The following DLGAP2 variants were observed in gnomAD, a reference collection of about 807,000 sequenced individuals.
DLGAP2 encodes the protein DLG associated protein 2, also known as disks large-associated protein 2.
In DLGAP2, 26 loss-of-function variants were observed where a neutral mutation model predicts 100.3. The ratio of observed to expected loss-of-function variants is 0.26; its 90% confidence interval spans 0.19 to 0.36. The LOEUF (loss-of-function observed/expected upper bound fraction) is 0.36, where lower values mean the gene tolerates loss of function less well. Among genes scored for constraint, DLGAP2 ranks in the 10% least tolerant of loss-of-function variants. DLGAP2 has a pLI of 1.00. For synonymous variants in DLGAP2, 886 were observed against 630.1 expected (o/e 1.41, Z -6.08); for missense variants, 1,858 against 1,453.2 (o/e 1.28, Z -4.53).
rs1554439026 is a variant in DLGAP2 at position 881,668 on chromosome 8, C to CACAT, written c.19-26241_19-26240insTACA. ...GCGCACGCCACCACTTGTGGCTGAA[C>CACAT]ACACACACACACACTTTTTTTTTTT... On this transcript the variant is annotated intron_variant, in intron 1 of 14. Coordinates refer to ENST00000637795, the MANE Select transcript of DLGAP2 (RefSeq NM_001346810.2). Among the ~76,000 whole-genome samples the CACAT allele has an allele frequency of 9.3e-4, 113 of 121,034 alleles. 2 individuals carry two copies. The highest frequency in any genetic ancestry group is 3.2e-3 in the African/African-American group (109 of 33,762). 79.4% of individuals were successfully genotyped at this position (121,034 alleles called of 152,430 possible).
At chr8:1,336,453 C>T (rs1801275766) in intron 3 of DLGAP2, among the ~76,000 whole-genome samples, 1 of 152,182 alleles carries the variant, frequency 6.6e-6, no homozygotes, top group Non-Finnish European at 1.5e-5. Context: ...TGGGCTCTTT[C>T]CCTCGTCTTT....
At chr8:818,050 C>T (rs573000609) in intron 1 of DLGAP2, among the ~76,000 whole-genome samples, 1 of 152,182 alleles carries the variant, frequency 6.6e-6, no homozygotes, top group Non-Finnish European at 1.5e-5. Flanking sequence ...GTGGGCAGGG[C>T]CATAGAGCTC....
At chr8:1,543,589 A>G (rs1336752042) in intron 4 of DLGAP2, among the ~76,000 whole-genome samples, 1 of 151,474 alleles carries the variant, frequency 6.6e-6, no homozygotes, top group African/African-American at 2.4e-5. Flanking sequence ...TCACTTTGTG[A>G]CTCTTGGGAT....
intron 2 of DLGAP2, among the ~76,000 whole-genome samples, chr8:997,855 C>G (rs916324542): frequency 8.9e-5 from 13 of 146,052 alleles, no homozygotes; most frequent in African/African-American, 2.7e-4. Flanking sequence ...CATACATACA[C>G]ACATACACAC....
chr8:1,487,453 G>T (rs1799260024), intron 3 of DLGAP2, among the ~76,000 whole-genome samples: 1 of 152,186 alleles, frequency 6.6e-6, no homozygotes, highest in South Asian at 2.1e-4. Flanking sequence ...AAATATTCTG[G>T]TATATAGATT....
chr8:1,579,501 A>C (rs1376956952), intron 6 of DLGAP2, among the ~76,000 whole-genome samples: 1 of 152,182 alleles, frequency 6.6e-6, no homozygotes, highest in Non-Finnish European at 1.5e-5. Context: ...AATATCGCCA[A>C]AGTAAAATCA....
intron 3 of DLGAP2, among the ~76,000 whole-genome samples, chr8:1,307,580 T>G (rs566984075): frequency 3.5e-4 from 54 of 152,232 alleles, no homozygotes; most frequent in African/African-American, 1.2e-3. Flanking sequence ...TCAAGCAGTA[T>G]TAGTTACAGT....
At chr8:1,408,956 C>T (rs1288861722) in intron 3 of DLGAP2, among the ~76,000 whole-genome samples, 5 of 152,340 alleles carry the variant, frequency 3.3e-5, no homozygotes, top group African/African-American at 9.6e-5. Flanking sequence ...GACATTTAAT[C>T]GATGTCTGTT....
chr8:1,173,169 A>G (rs891978888), intron 2 of DLGAP2, among the ~76,000 whole-genome samples: 2 of 152,196 alleles, frequency 1.3e-5, no homozygotes, highest in Non-Finnish European at 2.9e-5. Flanking sequence ...TTGCCTGGGT[A>G]TCGGCAGCGG....
intron 6 of DLGAP2, among the ~76,000 whole-genome samples, chr8:1,583,739 C>T (rs1177003604): frequency 6.6e-6 from 1 of 152,102 alleles, no homozygotes; most frequent in African/African-American, 2.4e-5. Context: ...CCACCAGCTC[C>T]AAGTCCTGCC....
chr8:1,683,651 AG>A (rs1013518017), intron 12 of DLGAP2, among the ~76,000 whole-genome samples: 2 of 149,392 alleles, frequency 1.3e-5, no homozygotes, highest in African/African-American at 2.5e-5. Context: ...GGGAAGCAGG[AG>A]GATGGGCTGT....
At chr8:1,377,600 G>A (rs552579960) in intron 3 of DLGAP2, among the ~76,000 whole-genome samples, 1 of 152,308 alleles carries the variant, frequency 6.6e-6, no homozygotes, top group South Asian at 2.1e-4. Context: ...CAGGAAAGGT[G>A]AAGCTGGGAG....
intron 2 of DLGAP2, among the ~76,000 whole-genome samples, chr8:968,857 C>A (rs893512707): frequency 6.6e-6 from 1 of 152,076 alleles, no homozygotes; most frequent in South Asian, 2.1e-4. Context: ...ATAATGAAAC[C>A]GATGTTTTTT....
chr8:789,469 C>T (rs563131105), intron 1 of DLGAP2, among the ~76,000 whole-genome samples: 8 of 152,224 alleles, frequency 5.3e-5, no homozygotes, highest in Non-Finnish European at 1.2e-4. Flanking sequence ...AGTTACCCCC[C>T]ACCAGGCCCC....
chr8:1,292,427 C>T (rs57691962), intron 3 of DLGAP2, among the ~76,000 whole-genome samples: 2,258 of 152,272 alleles, frequency 0.015, 59 homozygotes, highest in African/African-American at 0.052. Context: ...TGGGACAGTG[C>T]GCTGTCTTTG....
chr8:1,308,016 C>G (rs1800529582), intron 3 of DLGAP2, among the ~76,000 whole-genome samples: 1 of 152,144 alleles, frequency 6.6e-6, no homozygotes, highest in South Asian at 2.1e-4. Context: ...TATTTTACCA[C>G]CGTTTTTCCA....
chr8:852,262 C>A (rs1324325537), intron 1 of DLGAP2, among the ~76,000 whole-genome samples: 1 of 152,206 alleles, frequency 6.6e-6, no homozygotes, highest in East Asian at 1.9e-4. Flanking sequence ...TGTCCCCTCT[C>A]CCTGCACGTG....
intron 2 of DLGAP2, among the ~76,000 whole-genome samples, chr8:984,700 G>A (rs906861144): frequency 6.6e-6 from 1 of 152,224 alleles, no homozygotes; most frequent in Non-Finnish European, 1.5e-5. Context: ...GATTAGCTGA[G>A]ATGTGTTTAG....
intron 3 of DLGAP2, among the ~76,000 whole-genome samples, chr8:1,390,697 T>G (rs1796330756): frequency 6.6e-6 from 1 of 152,182 alleles, no homozygotes; most frequent in African/African-American, 2.4e-5. Context: ...TGTTGGGTGC[T>G]GGTGGTGAGG....
Sources: allele counts gnomAD v4.1 joint callset (sites outside exome capture counted in the v4.1 genomes callset), GRCh38; gene constraint gnomAD v4.1.1; transcripts MANE v1.5; gene names NCBI Gene and HGNC (gene_info 2026-07-23, HGNC 2026-07-21).